IL18BP: variants seen among roughly 807,000 people sequenced by gnomAD.
The protein encoded by IL18BP is interleukin-18-binding protein.
IL18BP carries 23 observed loss-of-function variants against 19.9 expected under a neutral mutation model. The ratio of observed to expected loss-of-function variants is 1.15; its 90% CI spans 0.83 to 1.64. The LOEUF is 1.64. Among genes scored for constraint, IL18BP ranks in the 40% most tolerant of loss-of-function variants. The pLI, the probability that IL18BP is intolerant of heterozygous loss-of-function variation, is 0.00. For synonymous variants in IL18BP, 107 were observed against 101.0 expected (o/e 1.06, Z -0.35); for missense variants, 239 against 240.7 (o/e 0.99, Z 0.05).
downstream of IL18BP, chr11:72,003,844 G>A (rs777152882): frequency 6.3e-7 from 1 of 1,594,168 alleles, no homozygotes; most frequent in African/African-American, 1.3e-5. Context: ...GGGTGCCCAT[G>A]CTCTCATCGG....
chr11:72,006,563 A>C (rs1955726542), downstream of IL18BP, among the ~76,000 whole-genome samples: 1 of 152,224 alleles, frequency 6.6e-6, no homozygotes, highest in African/African-American at 2.4e-5. Context: ...GCAAAGAAAT[A>C]AAGTGACTAG....
At chr11:72,000,649 A>G (rs1955166351) in intron 3 of IL18BP, 92 bp downstream of exon 3, 5 of 1,077,738 alleles carry the variant, frequency 4.6e-6, no homozygotes, top group Non-Finnish European at 6.8e-6. Flanking sequence ...CTGCCCATGT[A>G]CCACCAGCTG....
downstream of IL18BP, chr11:72,004,530 A>C: frequency 7.8e-7 from 1 of 1,284,186 alleles, no homozygotes; most frequent in Non-Finnish European, 1.1e-6. Context: ...GAGAGAGGGA[A>C]AGAGAGGGGG....
downstream of IL18BP, chr11:72,007,301 G>T: frequency 1.2e-6 from 2 of 1,613,252 alleles, no homozygotes; most frequent in Non-Finnish European, 1.7e-6. Flanking sequence ...CTCCAGGGGG[G>T]CCTGACTCCG....
chr11:71,999,964 C>T lies in IL18BP; in HGVS notation c.-21C>T, dbSNP rs1296110989. ...TGTCACAGATAAAGAGCCAGGCTCA[C>T]CAGCTCCTGACGCATGCATCATGAC... is the stretch of plus-strand genomic sequence containing the variant. On this transcript the variant is annotated 5_prime_UTR_variant, in exon 2 of 6. Transcript: ENST00000393703. 6.2e-7 allele frequency: 1 copy of T among 1,613,678 alleles called. No individual in the cohort carries two copies. The highest frequency in any genetic ancestry group is 8.5e-7 in the Non-Finnish European group (1 of 1,179,688).
Position 72,001,479 on chromosome 11 carries a change from G to T in IL18BP, c.434G>T (p.Ser145Ile). The change falls in exon 5 of 6, where the codon AGC becomes ATC. Residue 145 changes from serine to isoleucine, a missense_variant. Transcript: ENST00000393703. Reference sequence around the variant, plus strand: ...GAGCAGCTGACCCCTGCCCTGCACAGCACCAACTTCTCCTGTGTGCTCGTG... The same window carrying T: ...GAGCAGCTGACCCCTGCCCTGCACATCACCAACTTCTCCTGTGTGCTCGTG... ...VLEQLTPALH[S>I]TNFSCVLVDP... 1 of 1,614,132 alleles carries T rather than the reference G, an allele frequency of 6.2e-7. No homozygotes were observed. The highest frequency in any genetic ancestry group is 8.5e-7 in the Non-Finnish European group (1 of 1,180,000).
At chr11:72,005,185 A>G (rs957579253), downstream of IL18BP, 1 of 1,522,952 alleles carries the variant, frequency 6.6e-7, no homozygotes, top group Non-Finnish European at 8.8e-7. Context: ...GTGGGATTCC[A>G]AGGGAGGGCA....
rs1178766184 is a variant in IL18BP, at chr11:72,001,974, C to T, written c.*113C>T. The stretch of plus-strand genomic sequence containing the variant: ...GTAGGCTGCGTGGATGCGCAACACA[C>T]CCCCTCCTTCTCTGCTTTGGGTCCC... On this transcript the variant is annotated 3_prime_UTR_variant, in exon 6 of 6. Coordinates refer to ENST00000393703, the MANE Select transcript of IL18BP (RefSeq NM_001039660.2). 2.1e-6 allele frequency: 3 copies of T among 1,452,012 alleles called. No individual in the cohort carries two copies. Among genetic ancestry groups the T allele is most frequent in the East Asian group, 2.5e-5 (1 of 40,224 alleles). 89.9% of individuals were successfully genotyped at this position (1,452,012 alleles called of 1,614,324 possible). A position where few individuals can be genotyped will look rare whatever the true frequency, so the allele number is the denominator to read the frequency against.
chr11:72,004,836 G>C (rs774889477), downstream of IL18BP: 2 of 1,550,496 alleles, frequency 1.3e-6, no homozygotes, highest in African/African-American at 1.4e-5. Context: ...TGGAAGAGGT[G>C]GTCAGTGGAC....
intron 1 of IL18BP, 40 bp from the exon 2 acceptor site, chr11:71,999,887 C>A: frequency 8.1e-7 from 1 of 1,237,040 alleles, no homozygotes; most frequent in Non-Finnish European, 1.2e-6. Flanking sequence ...TGAGAAAAAG[C>A]GGGAGTGGTT....
At chr11:71,999,802 C>G (rs1955113369) in intron 1 of IL18BP, 125 bp from the exon 2 acceptor site, 3 of 615,708 alleles carry the variant, frequency 4.9e-6, no homozygotes, top group Non-Finnish European at 5.8e-6. Flanking sequence ...CCCCCCAGCT[C>G]TGTTTCTAAG....
Position 72,002,421 on chromosome 11 carries a change from ACT to A in IL18BP, c.*563_*564del, listed in dbSNP as rs1955311234. On this transcript the variant is annotated 3_prime_UTR_variant, in exon 6 of 6. Transcript: ENST00000393703. The stretch of plus-strand genomic sequence containing the variant: ...CTGTATGTTTTTTTTTTCCCCCTTC[ACT>A]CTAATGGACTGTTCCAGGGAAGGGA... 2 of 154,580 alleles carry A rather than the reference ACT, an allele frequency of 1.3e-5. No individual in the cohort carries two copies. The highest frequency in any genetic ancestry group is 2.8e-5 in the Non-Finnish European group (2 of 70,868). The allele number at this position is 154,580 out of a possible 1,614,324, so 9.6% of individuals were successfully genotyped here.
chr11:72,002,187 T>G lies in IL18BP; in HGVS notation c.*326T>G. On this transcript the variant is annotated 3_prime_UTR_variant, in exon 6 of 6. Coordinates refer to ENST00000393703, the MANE Select transcript of IL18BP (RefSeq NM_001039660.2). The stretch of plus-strand genomic sequence containing the variant: ...GCCTTAGCCTTGCACTCCAGGGCCC[T>G]ACCTGCATTTCCCACATGACTTTCT... 2.8e-6 allele frequency: 1 copy of G among 360,238 alleles called. No homozygotes were observed. 22.3% of individuals were successfully genotyped at this position (360,238 alleles called of 1,614,324 possible).
At chr11:72,002,987 G>A (rs5743679), downstream of IL18BP, 3,117 of 234,954 alleles carry the variant, frequency 0.013, 86 homozygotes, top group African/African-American at 0.06. Flanking sequence ...AAGGTAGGGT[G>A]TGAGCTGCTG....
chr11:72,006,162 C>G, downstream of IL18BP: 2 of 1,614,142 alleles, frequency 1.2e-6, no homozygotes, highest in Admixed American at 1.7e-5. Flanking sequence ...GAGCTAGAGA[C>G]TGAGTAGAGG....
chr11:72,006,102 G>C (rs779273672), downstream of IL18BP: 18 of 1,614,042 alleles, frequency 1.1e-5, no homozygotes, highest in Non-Finnish European at 1.4e-5. Flanking sequence ...TGGGGCGGTA[G>C]CCAGGCAAGC....
At chr11:72,006,195 G>A (rs534615372), downstream of IL18BP, 7 of 1,614,118 alleles carry the variant, frequency 4.3e-6, no homozygotes, top group South Asian at 6.6e-5. Context: ...GGCTAGCCTG[G>A]GAAGCAGGAG....
Position 71,999,971 on chromosome 11 carries a change from CTGACGCATGCATCA to C in IL18BP, c.-9_5del. ...GATAAAGAGCCAGGCTCACCAGCTCCTGACGCATGCATCATGACCATGAGACACAACTGGACACC... is the reference window on the plus strand; with the variant it reads ...GATAAAGAGCCAGGCTCACCAGCTCCTGACCATGAGACACAACTGGACACC... On this transcript the variant is annotated start_lost and 5_prime_UTR_variant, in exon 2 of 6. Coordinates refer to ENST00000393703, the MANE Select transcript of IL18BP (RefSeq NM_001039660.2). 6.2e-7 allele frequency: 1 copy of C among 1,613,830 alleles called. No individual in the cohort carries two copies. Among genetic ancestry groups the C allele is most frequent in the Non-Finnish European group, 8.5e-7 (1 of 1,179,756 alleles).
At chr11:72,006,217 C>T, downstream of IL18BP, 2 of 1,614,172 alleles carry the variant, frequency 1.2e-6, no homozygotes, top group Non-Finnish European at 1.7e-6. Context: ...AGACCGCGTG[C>T]TGTAGAACGA....
Sources: gnomAD v4.1 joint callset for allele counts (sites outside exome capture counted in the v4.1 genomes callset) on GRCh38, gnomAD v4.1.1 for gene constraint, MANE v1.5 for transcripts, NCBI Gene and HGNC (gene_info 2026-07-23, HGNC 2026-07-21) for gene names.